ZNF732: variants seen among roughly 807,000 people sequenced by gnomAD.
ZNF732 encodes zinc finger protein 732.
In ZNF732, 12 loss-of-function variants were observed where a neutral mutation model predicts 11.5. The observed-to-expected ratio is 1.05, with a 90% CI of 0.67 to 1.70. The LOEUF is 1.70. Ranked by LOEUF, ZNF732 falls within the 40% of genes most tolerant of loss-of-function variation. The probability of loss-of-function intolerance (pLI) is 0.00; values close to 1 mark genes in which losing one functional copy is unlikely to be tolerated. For missense variants in ZNF732, 702 were observed against 676.9 expected (o/e 1.04, Z -0.41); for synonymous variants, 231 against 236.5 (o/e 0.98, Z 0.21).
chr4:289,634 T>C (rs1553841095), intron 3 of ZNF732, among the ~76,000 whole-genome samples: 1 of 152,232 alleles, frequency 6.6e-6, no homozygotes, highest in African/African-American at 2.4e-5. Context: ...ACAAAGAATT[T>C]TGAATGAGGG....
intron 3 of ZNF732, 105 bp from the exon 4 acceptor site, chr4:272,735 AC>A (rs1371197344): frequency 2.7e-5 from 28 of 1,055,830 alleles, no homozygotes; most frequent in Non-Finnish European, 3.5e-5. Flanking sequence ...AGATGGCATA[AC>A]AAAATACCAC....
rs1247279582 is a variant in ZNF732, at chr4:279,433, G to C, written c.227-6803C>G. On this transcript the variant is annotated intron_variant, in intron 3 of 3. Transcript: ENST00000419098. ...TGCACTCCAGCGTGGGTGACAGAGC[G>C]AGACTCCGTCTCAAAAAAAAAAAAC... is the stretch of plus-strand genomic sequence containing the variant. Among the ~76,000 whole-genome samples, 14 of 141,060 alleles carry C rather than the reference G, an allele frequency of 9.9e-5. No individual in the cohort carries two copies. In the South Asian group the frequency reaches 1.4e-3, roughly 14 times the overall value. 92.5% of individuals were successfully genotyped at this position (141,060 alleles called of 152,430 possible). A position where few individuals can be genotyped will look rare whatever the true frequency, so the allele number is the denominator to read the frequency against.
chr4:272,690 A>G (rs913715910), intron 3 of ZNF732, 60 bp from the exon 4 acceptor site: 15 of 1,366,622 alleles, frequency 1.1e-5, no homozygotes, highest in Admixed American at 6.0e-5. Context: ...TACTTTAAAA[A>G]TCTAATATAT....
At chr4:299,443 ATATATATACACATATGTG>A (rs1720048457) in intron 1 of ZNF732, among the ~76,000 whole-genome samples, 1 of 43,460 alleles carries the variant, frequency 2.3e-5, no homozygotes, top group South Asian at 1.4e-3. Flanking sequence ...GTGTATATAT[ATATATATACACATATGTG>A]TATATATATA....
At chr4:303,417 G>T (rs561248245) in intron 1 of ZNF732, among the ~76,000 whole-genome samples, 15 of 152,278 alleles carry the variant, frequency 9.9e-5, no homozygotes, top group African/African-American at 3.6e-4. Flanking sequence ...AGGAGTTCGA[G>T]ACCAGCCTGG....
At chr4:299,462 T>TAC (rs1720053090) in intron 1 of ZNF732, among the ~76,000 whole-genome samples, 1 of 6,784 alleles carries the variant, frequency 1.5e-4, no homozygotes, top group Non-Finnish European at 7.1e-4. Context: ...CACATATGTG[T>TAC]ATATATATAT....
intron 3 of ZNF732, among the ~76,000 whole-genome samples, chr4:293,642 T>A (rs1719890057): frequency 6.6e-6 from 1 of 152,136 alleles, no homozygotes; most frequent in South Asian, 2.1e-4. Context: ...GCATTGTTTA[T>A]AGTTAATACT....
chr4:300,237 G>A (rs183938751), intron 1 of ZNF732, among the ~76,000 whole-genome samples: 32 of 150,486 alleles, frequency 2.1e-4, no homozygotes, highest in African/African-American at 7.5e-4. Context: ...CCGAGGCAGA[G>A]GGATCAAGAG....
intron 1 of ZNF732, among the ~76,000 whole-genome samples, chr4:298,917 T>C (rs1385813112): frequency 6.6e-6 from 1 of 152,228 alleles, no homozygotes; most frequent in Non-Finnish European, 1.5e-5. Flanking sequence ...AGGATTCTTC[T>C]GTTCCCACCA....
At chr4:293,109 T>C (rs1483321067) in intron 3 of ZNF732, among the ~76,000 whole-genome samples, 96 of 123,082 alleles carry the variant, frequency 7.8e-4, no homozygotes, top group African/African-American at 2.8e-3. Context: ...GAAATAAAAA[T>C]GGAAATATTA....
intron 3 of ZNF732, among the ~76,000 whole-genome samples, chr4:288,234 G>A (rs535798723): frequency 6.6e-6 from 1 of 152,238 alleles, no homozygotes; most frequent in East Asian, 1.9e-4. Flanking sequence ...TTAATGTGCA[G>A]AGATAAATTT....
intron 1 of ZNF732, among the ~76,000 whole-genome samples, chr4:299,461 GTATA>G (rs61392588): frequency 4.8e-5 from 4 of 83,544 alleles, no homozygotes; most frequent in African/African-American, 1.2e-4. Context: ...ACACATATGT[GTATA>G]TATATATACA....
rs1366894671 is a variant in ZNF732 at position 271,271 on chromosome 4, G to C, written c.1586C>G (p.Pro529Arg). 4.4e-6 allele frequency: 7 copies of C among 1,579,292 alleles called. No homozygotes were observed. Among genetic ancestry groups the C allele is most frequent in the East Asian group, 4.6e-5 (2 of 43,148 alleles). Residue 529 changes from proline (P) to arginine (R), a missense_variant, in exon 4 of 4, where the codon CCT becomes CGT. Pro to Arg is a moderately radical substitution (Grantham distance 103). This residue lies in a region of ZNF732 where 94 missense variants were observed against 87.5 expected (regional missense o/e 1.07). Transcript: ENST00000419098. ...KHKKIHTGEK[P>R]YRCEECGKAF... ...TTTGCCACACTCTTCACATCTATAA[G>C]GTTTCTCTCCAGTATGAATTTTCTT...
chr4:274,253 T>C (rs1198970409), intron 3 of ZNF732, among the ~76,000 whole-genome samples: 1 of 151,616 alleles, frequency 6.6e-6, no homozygotes, highest in Admixed American at 6.6e-5. Flanking sequence ...AATAATGAAG[T>C]TGAGGGCAGA....
At chr4:281,039 T>A (rs1312741667) in intron 3 of ZNF732, among the ~76,000 whole-genome samples, 24 of 152,168 alleles carry the variant, frequency 1.6e-4, no homozygotes, top group Admixed American at 1.6e-3. Context: ...CGTGGCACTA[T>A]AAGCTGGCTC....
intron 3 of ZNF732, among the ~76,000 whole-genome samples, chr4:294,675 G>T (rs1024942283): frequency 3.3e-5 from 5 of 152,026 alleles, no homozygotes; most frequent in Admixed American, 6.5e-5. Flanking sequence ...ACTTATTCAC[G>T]AACCTTTTTC....
At position 271,365 on chromosome 4, in the gene ZNF732, C is replaced by T. The variant is rs142565151; in HGVS notation, c.1492G>A (p.Gly498Arg). ...TCTTCACATTCGTAAGGTTTCTCTC[C>T]AGTATGAATTGTCTTATGTTTATTC... ...ALNKHKTIHT[G>R]EKPYECEECG... Residue 498 changes from glycine to arginine, a missense_variant, in exon 4 of 4, where the codon GGA (glycine) becomes AGA (arginine). Physicochemically the swap from Gly to Arg is moderately radical, Grantham distance 125. Transcript: ENST00000419098. 166 of 1,601,954 alleles carry T rather than the reference C, an allele frequency of 1.0e-4. No individual in the cohort carries two copies. In the African/African-American group the frequency reaches 1.9e-3, roughly 18 times the overall value.
chr4:282,505 C>T (rs1719638021), intron 3 of ZNF732, among the ~76,000 whole-genome samples: 1 of 152,140 alleles, frequency 6.6e-6, no homozygotes, highest in African/African-American at 2.4e-5. Context: ...CATGACCAGC[C>T]TGAGCAACAT....
rs572913422 is a variant in ZNF732, at chr4:287,239, C to T, written c.226+8199G>A. On this transcript the variant is annotated intron_variant, in intron 3 of 3. Coordinates refer to ENST00000419098, the MANE Select transcript of ZNF732 (RefSeq NM_001137608.3). The stretch of plus-strand genomic sequence containing the variant: ...ACATACTTTTTTTTTTTTTTAAAGA[C>T]GGAGTTTTGGTGTTGCCCAGACTGT... 4.3e-3 allele frequency among the ~76,000 whole-genome samples: 649 copies of T among 149,750 alleles called. 6 individuals carry two copies. Among genetic ancestry groups the T allele is most frequent in the African/African-American group, 0.015 (630 of 40,706 alleles).
Sources: gnomAD v4.1 joint callset for allele counts (sites outside exome capture counted in the v4.1 genomes callset) on GRCh38, gnomAD v4.1.1 for gene constraint, gnomAD v4.1.1 regional missense constraint, MANE v1.5 for transcripts, NCBI Gene and HGNC (gene_info 2026-07-23, HGNC 2026-07-21) for gene names.